Variants in OSBPL9 observed in about 807,000 individuals in gnomAD.
The protein encoded by OSBPL9 is oxysterol-binding protein-related protein 9.
Under a neutral mutation model 106.6 loss-of-function variants are expected in OSBPL9, and 40 were observed. That is an observed-to-expected ratio of 0.38 (90% confidence interval 0.29 to 0.49). The LOEUF (loss-of-function observed/expected upper bound fraction) is 0.49, where lower values mean the gene tolerates loss of function less well. OSBPL9 is among the 20% of genes least tolerant of loss of function. OSBPL9 has a pLI of 0.97. For synonymous variants in OSBPL9, 269 were observed against 295.4 expected (o/e 0.91, Z 0.92); for missense variants, 609 against 887.2 (o/e 0.69, Z 3.98).
intron 4 of OSBPL9, chr1:51,740,286 C>A: frequency 1.4e-6 from 2 of 1,393,514 alleles, no homozygotes; most frequent in Non-Finnish European, 9.4e-7. Context: ...CATGTCATCT[C>A]AAATTGCTAA....
chr1:51,592,108 CTTTTT>C (rs34379031), intron 1 of OSBPL9, among the ~76,000 whole-genome samples: 1 of 76,974 alleles, frequency 1.3e-5, no homozygotes, highest in Admixed American at 1.8e-4. Context: ...GTTGCTAAGG[CTTTTT>C]TTTTTTTTTT....
At chr1:51,736,006 T>G (rs1665604448) in intron 4 of OSBPL9, among the ~76,000 whole-genome samples, 1 of 152,232 alleles carries the variant, frequency 6.6e-6, no homozygotes, top group Non-Finnish European at 1.5e-5. Context: ...CCACGAATAT[T>G]CTGATTTATA....
At chr1:51,540,652 CAA>C in the OSBPL9 span, among the ~76,000 whole-genome samples, 3 of 134,812 alleles carry the variant, frequency 2.2e-5, no homozygotes, top group Admixed American at 7.4e-5. Context: ...GACTCTGTCT[CAA>C]AAAAAAAAAA....
chr1:51,763,352 G>C (rs1671919836), intron 11 of OSBPL9, among the ~76,000 whole-genome samples: 2 of 151,954 alleles, frequency 1.3e-5, no homozygotes, highest in Non-Finnish European at 2.9e-5. Flanking sequence ...TTTTTTCTCT[G>C]TTTTACAGGG....
In OSBPL9 at chr1:51,582,035, A is replaced by G. The variant is rs537621251; in HGVS notation, c.-423+4779A>G. On this transcript the variant is annotated intron_variant, in intron 1 of 25. Transcript: ENST00000371714. Reference sequence around the variant, plus strand: ...GGACAATGGTATTATAAACCATGATATGGGCTCTGGTGTCATTTACTTTTT... The same window carrying G: ...GGACAATGGTATTATAAACCATGATGTGGGCTCTGGTGTCATTTACTTTTT... Among the ~76,000 whole-genome samples the G allele has an allele frequency of 2.4e-4, 36 of 152,298 alleles. No individual in the cohort carries two copies. The South Asian group carries it at 6.4e-3, about 27-fold the overall frequency.
chr1:51,616,016 T>G (rs1644047855), upstream of OSBPL9, among the ~76,000 whole-genome samples: 1 of 147,564 alleles, frequency 6.8e-6, no homozygotes, highest in African/African-American at 2.5e-5. Context: ...TTTTTTTTTT[T>G]TTTTTTTTTT....
At chr1:51,686,192 T>G (rs940216450) in intron 3 of OSBPL9, among the ~76,000 whole-genome samples, 4 of 152,200 alleles carry the variant, frequency 2.6e-5, no homozygotes, top group African/African-American at 9.6e-5. Flanking sequence ...TCGGGTTCAG[T>G]TAACGTGCAG....
At chr1:51,547,561 T>C in the OSBPL9 span, among the ~76,000 whole-genome samples, 1 of 151,848 alleles carries the variant, frequency 6.6e-6, no homozygotes, top group Admixed American at 6.6e-5. Context: ...AATGGACAAA[T>C]AGGTAGGGCA....
chr1:51,694,630 C>T (rs1341158991), intron 3 of OSBPL9, among the ~76,000 whole-genome samples: 1 of 151,980 alleles, frequency 6.6e-6, no homozygotes, highest in Non-Finnish European at 1.5e-5. Flanking sequence ...ATCTTTTATG[C>T]TTTGTATGAG....
rs575216774 is a variant in OSBPL9, at chr1:51,703,732, A to C, written c.242-10271A>C. Among the ~76,000 whole-genome samples, 5 of 152,280 alleles carry C rather than the reference A, an allele frequency of 3.3e-5. No homozygotes were observed. The South Asian group carries it at 1.0e-3, about 32-fold the overall frequency. ...TGTCTTGTGCCAGTTTTCAAAGGGA[A>C]TGCTTCCAGTTTTTGCCCATTCAGT... On this transcript the variant is annotated intron_variant, in intron 3 of 23. Coordinates refer to ENST00000428468, the MANE Select transcript of OSBPL9 (RefSeq NM_024586.6).
the OSBPL9 span, among the ~76,000 whole-genome samples, chr1:51,534,952 A>G: frequency 8.5e-5 from 13 of 152,156 alleles, no homozygotes; most frequent in Non-Finnish European, 1.6e-4. Flanking sequence ...TATTAAACTT[A>G]CAGTATGTGC....
At chr1:51,645,027 A>C (rs529569506) in intron 1 of OSBPL9, among the ~76,000 whole-genome samples, 1 of 152,292 alleles carries the variant, frequency 6.6e-6, no homozygotes, top group South Asian at 2.1e-4. Flanking sequence ...TTGTAAACAG[A>C]TCAACGCCAT....
At chr1:51,783,536 T>G (rs1676895365) in intron 17 of OSBPL9, among the ~76,000 whole-genome samples, 1 of 152,180 alleles carries the variant, frequency 6.6e-6, no homozygotes, top group Non-Finnish European at 1.5e-5. Context: ...ACAAAACCCA[T>G]GGATATGGAG....
chr1:51,689,691 T>C (rs898065205), intron 3 of OSBPL9, among the ~76,000 whole-genome samples: 10 of 152,354 alleles, frequency 6.6e-5, no homozygotes, highest in African/African-American at 2.4e-4. Context: ...TCTGAGACTC[T>C]TCCAGCCCCA....
intron 4 of OSBPL9, among the ~76,000 whole-genome samples, chr1:51,723,448 G>C (rs1325605164): frequency 6.6e-6 from 1 of 152,134 alleles, no homozygotes; most frequent in Non-Finnish European, 1.5e-5. Context: ...AGGCATTTAA[G>C]TTTCATCCTC....
chr1:51,784,693 A>G, intron 20 of OSBPL9, 111 bp downstream of exon 20: 1 of 1,268,324 alleles, frequency 7.9e-7, no homozygotes, highest in Non-Finnish European at 1.1e-6. Flanking sequence ...TGTCTTTGTA[A>G]GCGTGTTTCA....
chr1:51,724,102 A>C (rs1446958561), intron 4 of OSBPL9, among the ~76,000 whole-genome samples: 1 of 151,778 alleles, frequency 6.6e-6, no homozygotes, highest in Non-Finnish European at 1.5e-5. Flanking sequence ...GTGCGCCACC[A>C]CGCCTGCTAA....
intron 12 of OSBPL9, among the ~76,000 whole-genome samples, chr1:51,769,965 G>C (rs1213463443): frequency 6.6e-6 from 1 of 152,098 alleles, no homozygotes; most frequent in Non-Finnish European, 1.5e-5. Context: ...GCATTTTAAA[G>C]GTAACTTTCA....
chr1:51,526,669 T>C, the OSBPL9 span, among the ~76,000 whole-genome samples: 4 of 152,250 alleles, frequency 2.6e-5, no homozygotes, highest in African/African-American at 9.6e-5. Flanking sequence ...TGTTTTCCAT[T>C]GATGGCATTT....
Sources: allele counts gnomAD v4.1 joint callset (sites outside exome capture counted in the v4.1 genomes callset), GRCh38; gene constraint gnomAD v4.1.1; transcripts MANE v1.5; gene names NCBI Gene and HGNC (gene_info 2026-07-23, HGNC 2026-07-21).